RANBP17: variants seen among roughly 807,000 people sequenced by gnomAD.
RANBP17 encodes the protein ran-binding protein 17.
In RANBP17, 158 loss-of-function variants were observed where a neutral mutation model predicts 141.2. The ratio of observed to expected loss-of-function variants is 1.12; its 90% confidence interval spans 0.98 to 1.28. RANBP17 has a LOEUF of 1.28. Ranked by LOEUF, RANBP17 falls within the 50% of genes most tolerant of loss-of-function variation. RANBP17 has a pLI of 0.00. For missense variants in RANBP17, 1,438 were observed against 1,290.7 expected, an observed-to-expected ratio of 1.11 and a Z score of -1.75; for synonymous variants, 430 against 450.0, an observed-to-expected ratio of 0.96 and a Z score of 0.56.
intron 14 of RANBP17, among the ~76,000 whole-genome samples, chr5:171,069,143 G>A (rs1784490959): frequency 6.6e-6 from 1 of 152,096 alleles, no homozygotes; most frequent in Non-Finnish European, 1.5e-5. Context: ...TTTCAACAGA[G>A]GCCTCCAGGA....
At chr5:171,008,857 A>G (rs1779840844) in intron 14 of RANBP17, among the ~76,000 whole-genome samples, 1 of 152,190 alleles carries the variant, frequency 6.6e-6, no homozygotes, top group South Asian at 2.1e-4. Flanking sequence ...TACTGACCTT[A>G]TGTTTTCAAT....
chr5:171,004,564 C>T (rs931780485), intron 14 of RANBP17, among the ~76,000 whole-genome samples: 2 of 152,020 alleles, frequency 1.3e-5, no homozygotes, highest in African/African-American at 4.8e-5. Flanking sequence ...AAACAGGGGA[C>T]GGACTTACTC....
intron 21 of RANBP17, among the ~76,000 whole-genome samples, chr5:171,215,555 A>G (rs1235717384): frequency 6.6e-6 from 1 of 152,034 alleles, no homozygotes; most frequent in East Asian, 1.9e-4. Flanking sequence ...CCACAGCCTG[A>G]CCAGCATCTG....
At chr5:170,941,795 A>G (rs765685609) in intron 12 of RANBP17, among the ~76,000 whole-genome samples, 4 of 152,246 alleles carry the variant, frequency 2.6e-5, no homozygotes, top group Non-Finnish European at 4.4e-5. Context: ...GAATTCTTAT[A>G]TACTTCTGGT....
intron 14 of RANBP17, among the ~76,000 whole-genome samples, chr5:171,034,623 G>T (rs1040764785): frequency 2.0e-5 from 3 of 152,166 alleles, no homozygotes; most frequent in African/African-American, 4.8e-5. Flanking sequence ...TTGTGACTCG[G>T]TTCATTTCAT....
In RANBP17 at chr5:170,914,222, A is replaced by C. The variant is rs747295596; in HGVS notation, c.816A>C (p.Pro272=). The C allele has an allele frequency of 6.2e-7, 1 of 1,605,782 alleles. No homozygotes were observed. Among genetic ancestry groups the C allele is most frequent in the Non-Finnish European group, 8.5e-7 (1 of 1,172,934 alleles). Residue 272 remains proline, a synonymous_variant, in exon 8 of 28, where the codon CCA becomes CCC. Coordinates refer to ENST00000523189, the MANE Select transcript of RANBP17 (RefSeq NM_022897.5). ...TCTTCAATTTGTATCATTCACTTCC[A>C]CCACTACTATCTCAGTTAGTAAGTA... ...DLFFNLYHSL[P]PLLSQLALSC...
At chr5:170,869,719 G>A (rs1211727626) in intron 1 of RANBP17, among the ~76,000 whole-genome samples, 1 of 152,046 alleles carries the variant, frequency 6.6e-6, no homozygotes, top group Non-Finnish European at 1.5e-5. Context: ...GATTTAGGGC[G>A]CACTGTAAAT....
intron 1 of RANBP17, among the ~76,000 whole-genome samples, chr5:170,873,766 A>G (rs2879357): frequency 0.6 from 91,411 of 151,964 alleles, 29,195 homozygotes; most frequent in South Asian, 0.88. Flanking sequence ...CAGTCTATCT[A>G]TTTTATTAAG....
chr5:170,959,249 G>A (rs1442630258), intron 13 of RANBP17, among the ~76,000 whole-genome samples: 2 of 152,012 alleles, frequency 1.3e-5, no homozygotes, highest in Admixed American at 1.3e-4. Context: ...CCCAAACCCT[G>A]CTATTATATA....
chr5:171,129,830 T>TA (rs1352713051), intron 14 of RANBP17, among the ~76,000 whole-genome samples: 4 of 152,230 alleles, frequency 2.6e-5, no homozygotes, highest in South Asian at 2.1e-4. Context: ...GTTTCTCTGT[T>TA]ACGATGTGCA....
intron 25 of RANBP17, among the ~76,000 whole-genome samples, chr5:171,291,962 C>A (rs903219552): frequency 6.6e-6 from 1 of 152,222 alleles, no homozygotes; most frequent in Non-Finnish European, 1.5e-5. Flanking sequence ...ATTGGCACAT[C>A]ACTTCAAGAT....
At chr5:170,896,864 G>T in intron 5 of RANBP17, 1 of 508,748 alleles carries the variant, frequency 2.0e-6, no homozygotes, top group South Asian at 2.0e-5. Flanking sequence ...CAGGCCTTTT[G>T]GGTTGCAGGC....
At chr5:170,937,793 T>C (rs1248697257) in intron 12 of RANBP17, among the ~76,000 whole-genome samples, 3 of 152,230 alleles carry the variant, frequency 2.0e-5, no homozygotes, top group African/African-American at 7.2e-5. Flanking sequence ...ATTTGGATTA[T>C]GTTATTTTAT....
chr5:171,041,266 C>T (rs1782235692), intron 14 of RANBP17, among the ~76,000 whole-genome samples: 2 of 152,068 alleles, frequency 1.3e-5, no homozygotes, highest in African/African-American at 4.8e-5. Context: ...TACTATTAAG[C>T]AGTAATTGAT....
At chr5:171,136,165 A>G (rs1757263037) in intron 14 of RANBP17, among the ~76,000 whole-genome samples, 1 of 152,236 alleles carries the variant, frequency 6.6e-6, no homozygotes, top group Non-Finnish European at 1.5e-5. Context: ...AGGCTGCAGT[A>G]TTATAGATTC....
intron 14 of RANBP17, among the ~76,000 whole-genome samples, chr5:171,042,901 A>G (rs1334604477): frequency 2.0e-5 from 3 of 152,138 alleles, no homozygotes; most frequent in African/African-American, 7.2e-5. Flanking sequence ...TTCATAAAGT[A>G]TTTTCTGCAG....
chr5:171,136,683 TTTA>T (rs1757312648), intron 14 of RANBP17, among the ~76,000 whole-genome samples: 1 of 152,196 alleles, frequency 6.6e-6, no homozygotes, highest in African/African-American at 2.4e-5. Flanking sequence ...CTGGAGCCTC[TTTA>T]AATGTTTTTG....
At chr5:171,236,412 G>A (rs1386032901) in intron 22 of RANBP17, among the ~76,000 whole-genome samples, 1 of 152,162 alleles carries the variant, frequency 6.6e-6, no homozygotes, top group Non-Finnish European at 1.5e-5. Flanking sequence ...TTGAGGCGTA[G>A]CAAATTGGTG....
chr5:171,236,158 T>G (rs962442861), intron 22 of RANBP17, among the ~76,000 whole-genome samples: 2 of 152,194 alleles, frequency 1.3e-5, no homozygotes, highest in Non-Finnish European at 2.9e-5. Flanking sequence ...TGTCAGCAAG[T>G]TGCAGTTCTC....
Sources: gnomAD v4.1 joint callset for allele counts (sites outside exome capture counted in the v4.1 genomes callset) on GRCh38, gnomAD v4.1.1 for gene constraint, MANE v1.5 for transcripts, NCBI Gene and HGNC (gene_info 2026-07-23, HGNC 2026-07-21) for gene names.